PKD2: variants seen among roughly 807,000 people sequenced by gnomAD.
PKD2 encodes polycystin-2.
A neutral mutation model predicts 105.9 loss-of-function variants in PKD2; 48 were observed. The ratio of observed to expected loss-of-function variants is 0.45; its 90% CI spans 0.36 to 0.58. The LOEUF (loss-of-function observed/expected upper bound fraction) is 0.58. Ranked by LOEUF, PKD2 falls within the 20% of genes least tolerant of loss-of-function variation. PKD2 has a pLI of 0.00. For missense variants in PKD2, 1,078 were observed against 1,255.3 expected (o/e 0.86, Z 2.13); for synonymous variants, 464 against 481.1 (o/e 0.96, Z 0.46).
At chr4:88,055,495 CCTGA>C (rs1014084033) in intron 7 of PKD2, among the ~76,000 whole-genome samples, 2 of 152,046 alleles carry the variant, frequency 1.3e-5, no homozygotes, top group Non-Finnish European at 2.9e-5. Flanking sequence ...TGCCACCACA[CCTGA>C]CTAATTTATT....
intron 1 of PKD2, 129 bp downstream of exon 1, chr4:88,008,457 A>T: frequency 8.4e-7 from 1 of 1,189,128 alleles, no homozygotes; most frequent in Non-Finnish European, 1.1e-6. Flanking sequence ...CTCCCTTGGA[A>T]GCGCATTCCC....
rs1305745686 is a variant in PKD2 at position 88,076,571 on chromosome 4, A to G, written c.*877A>G. The G allele has an allele frequency of 1.3e-5, 2 of 152,240 alleles. No individual in the cohort carries two copies. Among genetic ancestry groups the G allele is most frequent in the Non-Finnish European group, 2.9e-5 (2 of 68,044 alleles). The allele number at this position is 152,240 out of a possible 1,614,324, so 9.4% of individuals were successfully genotyped here. A position where few individuals can be genotyped will look rare whatever the true frequency, so the allele number is the denominator to read the frequency against. ...TTAATGTTATAACTCATCTAGTGAG[A>G]CCAACTTACTAAATTTTTAGTATGC... On this transcript the variant is annotated 3_prime_UTR_variant, in exon 15 of 15. Coordinates refer to ENST00000237596, the MANE Select transcript of PKD2 (RefSeq NM_000297.4).
In PKD2 at chr4:88,056,165, G is replaced by T. The variant is rs1560620374; in HGVS notation, c.1796G>T (p.Gly599Val). 6.2e-7 allele frequency: 1 copy of T among 1,613,174 alleles called. No individual in the cohort carries two copies. Among genetic ancestry groups the T allele is most frequent in the Non-Finnish European group, 8.5e-7 (1 of 1,179,364 alleles). ...TCTCGATGTGCCAAAGACCTGTTTG[G>T]CTTTGCTATTATGTTCTTCATTATT... Reference protein sequence around the residue: ...TMSRCAKDLFGFAIMFFIIFL... With the variant: ...TMSRCAKDLFVFAIMFFIIFL... Residue 599 changes from glycine to valine, a missense_variant, in exon 8 of 15, where the codon GGC becomes GTC. Physicochemically the swap from Gly to Val is moderately radical, Grantham distance 109. Coordinates refer to ENST00000237596, the MANE Select transcript of PKD2 (RefSeq NM_000297.4).
At chr4:88,056,340 T>TAGCAACCTCATATGAA in intron 8 of PKD2, 73 bp downstream of exon 8, 5 of 939,270 alleles carry the variant, frequency 5.3e-6, no homozygotes, top group Non-Finnish European at 8.3e-6. Flanking sequence ...AATCTTCATA[T>TAGCAACCTCATATGAA]GAGGTTGCTA....
At chr4:88,014,186 A>C (rs1726482926) in intron 1 of PKD2, among the ~76,000 whole-genome samples, 1 of 152,194 alleles carries the variant, frequency 6.6e-6, no homozygotes, top group South Asian at 2.1e-4. Context: ...CTAGGGTGAA[A>C]CCCAAATTTC....
intron 4 of PKD2, 48 bp from the exon 5 acceptor site, chr4:88,043,185 T>C: frequency 8.5e-7 from 1 of 1,177,624 alleles, no homozygotes; most frequent in Non-Finnish European, 1.3e-6. Context: ...TTGCCTCAAG[T>C]GTTCCACTGA....
intron 4 of PKD2, among the ~76,000 whole-genome samples, chr4:88,042,227 G>A (rs1168659508): frequency 6.6e-6 from 1 of 152,218 alleles, no homozygotes; most frequent in African/African-American, 2.4e-5. Context: ...TGGCTGGGGA[G>A]GCCTCACAAT....
At position 88,008,028 on chromosome 4, in the gene PKD2, G is replaced by A; in HGVS notation, c.295G>A (p.Glu99Lys). The change falls in exon 1 of 15, where the codon GAG becomes AAG. Residue 99 changes from glutamate (E) to lysine (K), a missense_variant. By Grantham distance (56) the Glu-to-Lys change is moderately conservative. Coordinates refer to ENST00000237596, the MANE Select transcript of PKD2 (RefSeq NM_000297.4). ...RDNPGFEAEE[E>K]EEEVEGEEGG... is the part of the protein sequence containing the mutation. ...TAACCCCGGCTTCGAGGCCGAGGAG[G>A]AGGAGGAGGAGGTGGAAGGGGAAGA... The A allele has an allele frequency of 6.6e-7, 1 of 1,521,940 alleles. No homozygotes were observed. The highest frequency in any genetic ancestry group is 1.2e-5 in the South Asian group (1 of 82,540). 94.3% of individuals were successfully genotyped at this position (1,521,940 alleles called of 1,614,324 possible).
In PKD2 at chr4:88,024,147, G is replaced by A. The variant is rs548734430; in HGVS notation, c.709+4576G>A. 2.8e-4 allele frequency among the ~76,000 whole-genome samples: 43 copies of A among 152,208 alleles called. No individual in the cohort carries two copies. The South Asian group carries it at 6.6e-3, about 24-fold the overall frequency. On this transcript the variant is annotated intron_variant, in intron 2 of 14. Transcript: ENST00000237596. The stretch of plus-strand genomic sequence containing the variant: ...TGTTGAAGTTCAAGAAAGGAATAAA[G>A]AATATTTAGAAGATCTTTGAAAACA...
Position 88,058,187 on chromosome 4 carries a change from A to G in PKD2, c.2019+84A>G, listed in dbSNP as rs1578142976. 7 of 870,700 alleles carry G rather than the reference A, an allele frequency of 8.0e-6. No individual in the cohort carries two copies. The South Asian group carries it at 1.0e-4, about 13-fold the overall frequency. 53.9% of individuals were successfully genotyped at this position (870,700 alleles called of 1,614,324 possible). A position where few individuals can be genotyped will look rare whatever the true frequency, so the allele number is the denominator to read the frequency against. On this transcript the variant is annotated intron_variant, in intron 9 of 14. Coordinates refer to ENST00000237596, the MANE Select transcript of PKD2 (RefSeq NM_000297.4). ...TCTTTTCTCTCACACTTTATGTCCT[A>G]TCAATTTTAAATAAAGACCCAGGAA...
At chr4:88,008,446 C>T in intron 1 of PKD2, 118 bp downstream of exon 1, 2 of 1,282,428 alleles carry the variant, frequency 1.6e-6, no homozygotes, top group Non-Finnish European at 2.0e-6. Flanking sequence ...CTGCGTTCCG[C>T]CTCCCTTGGA....
At chr4:88,054,433 G>T (rs1328020779) in intron 7 of PKD2, among the ~76,000 whole-genome samples, 1 of 151,740 alleles carries the variant, frequency 6.6e-6, no homozygotes, top group African/African-American at 2.4e-5. Context: ...AATGAATTGG[G>T]ATTGTATTAA....
At chr4:88,069,424 A>T (rs1335727547) in intron 13 of PKD2, among the ~76,000 whole-genome samples, 5 of 151,854 alleles carry the variant, frequency 3.3e-5, no homozygotes, top group Admixed American at 1.3e-4. Context: ...AAATTTTTTT[A>T]ATGATTTTTC....
At chr4:88,013,423 G>A (rs1726450785) in intron 1 of PKD2, among the ~76,000 whole-genome samples, 2 of 152,222 alleles carry the variant, frequency 1.3e-5, no homozygotes, top group Non-Finnish European at 2.9e-5. Context: ...AGCAAAGAGA[G>A]GATAAGGCCA....
At chr4:88,022,820 G>T (rs1249655117) in intron 2 of PKD2, among the ~76,000 whole-genome samples, 1 of 152,192 alleles carries the variant, frequency 6.6e-6, no homozygotes, top group Non-Finnish European at 1.5e-5. Context: ...CTGTGGATCA[G>T]GCCTGTAATC....
chr4:88,011,121 G>A (rs1314827052), intron 1 of PKD2, among the ~76,000 whole-genome samples: 1 of 152,172 alleles, frequency 6.6e-6, no homozygotes, highest in African/African-American at 2.4e-5. Context: ...AAGGATGACC[G>A]AAAGATTTAA....
intron 8 of PKD2, among the ~76,000 whole-genome samples, chr4:88,056,969 GTTTTTTTGTTTTGTT>G (rs1217430146): frequency 1.9e-4 from 29 of 150,056 alleles, no homozygotes; most frequent in Middle Eastern, 3.4e-3. Context: ...GGTTTTTGGG[GTTTTTTTGTTTTGTT>G]TTTTTTTGTT....
rs1246230692 is a variant in PKD2, at chr4:88,040,233, C to T, written c.1094+1732C>T. 2.0e-5 allele frequency among the ~76,000 whole-genome samples: 3 copies of T among 152,160 alleles called. 1 individual carries two copies. The highest frequency in any genetic ancestry group is 1.9e-4 in the East Asian group (1 of 5,194). On this transcript the variant is annotated intron_variant, in intron 4 of 14. Transcript: ENST00000237596. ...AAAACCCATGTTTCGCCTACTAAAC[C>T]TCTTCCATATTAATTCCTCCTCCAT...
rs1727576433 is a variant in PKD2 at position 88,041,845 on chromosome 4, A to G, written c.1095-1388A>G. Among the ~76,000 whole-genome samples, 3 of 152,306 alleles carry G rather than the reference A, an allele frequency of 2.0e-5. No homozygotes were observed. In the South Asian group the frequency reaches 6.2e-4, roughly 32 times the overall value. ...GATGCCAGCCAAAGTCCAACCTTGC[A>G]AACAGGCCTTCCTAAAGAAAGGCCA... On this transcript the variant is annotated intron_variant, in intron 4 of 14. Coordinates refer to ENST00000237596, the MANE Select transcript of PKD2 (RefSeq NM_000297.4).
Sources: gnomAD v4.1 joint callset for allele counts (sites outside exome capture counted in the v4.1 genomes callset) on GRCh38, gnomAD v4.1.1 for gene constraint, MANE v1.5 for transcripts, NCBI Gene and HGNC (gene_info 2026-07-23, HGNC 2026-07-21) for gene names.